DMD: variants seen among roughly 807,000 people sequenced by gnomAD.
DMD encodes the protein dystrophin.
In DMD, 63 loss-of-function variants were observed where a neutral mutation model predicts 330.1. The ratio of observed to expected loss-of-function variants is 0.19; its 90% CI spans 0.16 to 0.24. The LOEUF is 0.24. Among genes scored for constraint, DMD ranks in the 10% least tolerant of loss-of-function variants. The pLI is 1.00. For synonymous variants in DMD, 1,223 were observed against 959.8 expected, an observed-to-expected ratio of 1.27 and a Z score of -5.07; for missense variants, 3,344 against 2,684.1, an observed-to-expected ratio of 1.25 and a Z score of -5.43.
chrX:32,317,372 AAACTT>A (rs1312840395), intron 41 of DMD, among the ~76,000 whole-genome samples: 1 of 111,491 alleles, frequency 9.0e-6, no homozygotes, highest in Non-Finnish European at 1.9e-5. Flanking sequence ...TGTATGATCT[AAACTT>A]AAAGTCAAAA....
At chrX:31,707,160 C>A (rs900823134) in intron 52 of DMD, among the ~76,000 whole-genome samples, 2 of 108,549 alleles carry the variant, frequency 1.8e-5, no homozygotes, top group Non-Finnish European at 3.8e-5. Flanking sequence ...GATTTTTTTC[C>A]CTCAGTCTAA....
intron 4 of DMD, among the ~76,000 whole-genome samples, chrX:32,824,345 G>GA (rs1243041002): frequency 8.9e-6 from 1 of 111,899 alleles, no homozygotes; most frequent in Non-Finnish European, 1.9e-5. Context: ...CCCCAAACTG[G>GA]GAACCCAGAT....
chrX:32,185,248 G>T (rs1471609885), intron 44 of DMD, among the ~76,000 whole-genome samples: 2 of 111,410 alleles, frequency 1.8e-5, no homozygotes, highest in East Asian at 5.7e-4. Flanking sequence ...GCAAGAGGCA[G>T]TCCCACATAG....
At chrX:33,280,393 A>G (rs1437019620) in intron 1 of DMD, among the ~76,000 whole-genome samples, 1 of 112,278 alleles carries the variant, frequency 8.9e-6, no homozygotes, top group Non-Finnish European at 1.9e-5. Context: ...CAAGTCTAAG[A>G]ACACTTTAAC....
intron 1 of DMD, among the ~76,000 whole-genome samples, chrX:33,030,905 A>G (rs1408353084): frequency 8.9e-6 from 1 of 112,038 alleles, no homozygotes; most frequent in Non-Finnish European, 1.9e-5. Flanking sequence ...AGCCATTTCC[A>G]AACATACTGT....
intron 2 of DMD, among the ~76,000 whole-genome samples, chrX:32,930,621 C>T (rs2089499067): frequency 9.1e-6 from 1 of 110,472 alleles, no homozygotes; most frequent in African/African-American, 3.3e-5. Flanking sequence ...TATAGCTACC[C>T]ATTGTCCTTC....
intron 54 of DMD, among the ~76,000 whole-genome samples, chrX:31,656,496 C>A (rs2080794800): frequency 9.0e-6 from 1 of 111,510 alleles, no homozygotes; most frequent in Non-Finnish European, 1.9e-5. Context: ...TTTTTCTTGG[C>A]CCCTTAGTTT....
intron 52 of DMD, among the ~76,000 whole-genome samples, chrX:31,721,318 T>A: frequency 9.0e-6 from 1 of 110,498 alleles, no homozygotes; most frequent in Middle Eastern, 4.7e-3. Flanking sequence ...GAAGGTATTT[T>A]TTAGATGTGA....
chrX:33,228,074 T>C (rs933919663), intron 1 of DMD, among the ~76,000 whole-genome samples: 2 of 111,708 alleles, frequency 1.8e-5, no homozygotes, highest in African/African-American at 3.2e-5. Flanking sequence ...TAATCTATAG[T>C]ATATTAAAGA....
intron 2 of DMD, among the ~76,000 whole-genome samples, chrX:33,007,044 C>T (rs138361581): frequency 2.9e-4 from 32 of 110,882 alleles, no homozygotes; most frequent in African/African-American, 7.5e-4. Context: ...CCTAGCCACA[C>T]GCACACACCC....
At chrX:31,829,436 A>G (rs749054530) in intron 49 of DMD, among the ~76,000 whole-genome samples, 201 of 99,631 alleles carry the variant, frequency 2.0e-3, no homozygotes, top group Middle Eastern at 9.9e-3. Flanking sequence ...ACAATTATAC[A>G]CATATAAAAT....
intron 44 of DMD, among the ~76,000 whole-genome samples, chrX:32,156,611 A>G (rs763288609): frequency 1.9e-5 from 2 of 102,611 alleles, no homozygotes; most frequent in African/African-American, 7.4e-5. Flanking sequence ...GTATACGTAT[A>G]CTTTTGAATG....
chrX:33,048,881 A>G (rs773412974), intron 1 of DMD, among the ~76,000 whole-genome samples: 1 of 110,626 alleles, frequency 9.0e-6, no homozygotes, highest in African/African-American at 3.3e-5. Context: ...AGGATGTGAT[A>G]TCTGGCAGTG....
chrX:31,528,732 A>G (rs757939202), intron 55 of DMD, among the ~76,000 whole-genome samples: 2 of 112,034 alleles, frequency 1.8e-5, no homozygotes, highest in South Asian at 7.5e-4. Context: ...AGTATTGACC[A>G]TTTCTGGTGG....
At chrX:32,424,708 G>A (rs1322815196) in intron 29 of DMD, among the ~76,000 whole-genome samples, 2 of 108,373 alleles carry the variant, frequency 1.8e-5, no homozygotes, top group East Asian at 2.9e-4. Context: ...TTATGGAGCC[G>A]ATCCTGACAT....
intron 27 of DMD, among the ~76,000 whole-genome samples, chrX:32,441,711 T>TA (rs1227425314): frequency 8.9e-6 from 1 of 111,741 alleles, no homozygotes; most frequent in Non-Finnish European, 1.9e-5. Flanking sequence ...ATTTGATAGT[T>TA]AAAATTTAAG....
At chrX:33,225,240 A>T (rs1475091366) in intron 1 of DMD, among the ~76,000 whole-genome samples, 1 of 111,887 alleles carries the variant, frequency 8.9e-6, no homozygotes, top group Non-Finnish European at 1.9e-5. Flanking sequence ...AAGGCAATGG[A>T]TTTAGAATAG....
At chrX:31,572,275 G>A (rs1002798029) in intron 55 of DMD, among the ~76,000 whole-genome samples, 2 of 112,298 alleles carry the variant, frequency 1.8e-5, no homozygotes, top group Non-Finnish European at 3.8e-5. Context: ...GAATCGTGCC[G>A]CAGTCATGAG....
intron 34 of DMD, among the ~76,000 whole-genome samples, chrX:32,367,194 T>A (rs1408400492): frequency 8.9e-6 from 1 of 111,798 alleles, no homozygotes; most frequent in Non-Finnish European, 1.9e-5. Flanking sequence ...CTTTTAATAC[T>A]TTGACTTCAA....
Sources: allele counts gnomAD v4.1 joint callset (sites outside exome capture counted in the v4.1 genomes callset), GRCh38; gene constraint gnomAD v4.1.1; transcripts MANE v1.5; gene names NCBI Gene and HGNC (gene_info 2026-07-23, HGNC 2026-07-21).